The following DESI1 variants were observed in gnomAD, a reference collection of about 807,000 sequenced individuals.
DESI1 encodes the protein desumoylating isopeptidase 1.
A neutral mutation model predicts 22.4 loss-of-function variants in DESI1; 17 were observed. The observed-to-expected ratio is 0.76, with a 90% CI of 0.52 to 1.14. The LOEUF (loss-of-function observed/expected upper bound fraction) is 1.14, where lower values mean the gene tolerates loss of function less well. Among genes scored for constraint, DESI1 ranks in the 50% most tolerant of loss-of-function variants. The pLI is 0.00. For missense variants in DESI1, 177 were observed against 208.9 expected (o/e 0.85, Z 0.94); for synonymous variants, 92 against 84.2 (o/e 1.09, Z -0.51).
chr22:41,605,328 G>T (rs550021094), intron 3 of DESI1, among the ~76,000 whole-genome samples: 1 of 152,278 alleles, frequency 6.6e-6, no homozygotes, highest in South Asian at 2.1e-4. Context: ...CAGCCATGTG[G>T]TTAACAGACT....
intron 1 of DESI1, among the ~76,000 whole-genome samples, chr22:41,619,761 C>T (rs5751129): frequency 0.69 from 105,190 of 152,068 alleles, 38,017 homozygotes; most frequent in East Asian, 0.92. Flanking sequence ...CTTACTTGAT[C>T]TCTGCCCCCT....
intron 1 of DESI1, among the ~76,000 whole-genome samples, chr22:41,610,643 G>A (rs1213360571): frequency 1.3e-5 from 2 of 151,882 alleles, no homozygotes; most frequent in South Asian, 2.1e-4. Context: ...TGGGCCGGGC[G>A]TGGTGGATCA....
chr22:41,616,209 C>G (rs1473361863), intron 1 of DESI1, among the ~76,000 whole-genome samples: 1 of 152,224 alleles, frequency 6.6e-6, no homozygotes, highest in Non-Finnish European at 1.5e-5. Flanking sequence ...TGTCATTACA[C>G]TCCAGCCTGG....
At chr22:41,602,654 TG>T in intron 5 of DESI1, 1 of 986,988 alleles carries the variant, frequency 1.0e-6, no homozygotes, top group Non-Finnish European at 1.2e-6. Context: ...GAGATGGCTT[TG>T]GGGGTGTTGT....
intron 1 of DESI1, among the ~76,000 whole-genome samples, chr22:41,612,423 C>G (rs1047226132): frequency 6.6e-6 from 1 of 151,190 alleles, no homozygotes; most frequent in South Asian, 2.1e-4. Context: ...ACAGAAGAAT[C>G]ACTTGAACCC....
intron 3 of DESI1, among the ~76,000 whole-genome samples, chr22:41,605,824 A>G (rs2067475919): frequency 6.6e-6 from 1 of 152,212 alleles, no homozygotes; most frequent in African/African-American, 2.4e-5. Context: ...TGCCAACAGT[A>G]CGTATGACAG....
chr22:41,619,856 G>C, intron 1 of DESI1, among the ~76,000 whole-genome samples: 1 of 152,130 alleles, frequency 6.6e-6, no homozygotes, highest in Non-Finnish European at 1.5e-5. Flanking sequence ...TGCTGTCAAA[G>C]CTTCAATTTT....
At chr22:41,604,233 C>G in intron 3 of DESI1, 80 bp from the exon 4 acceptor site, 3 of 720,490 alleles carry the variant, frequency 4.2e-6, no homozygotes, top group Non-Finnish European at 6.8e-6. Flanking sequence ...CAGTAGACCA[C>G]AAACACTCTG....
At chr22:41,608,830 G>C (rs1237505780) in intron 1 of DESI1, among the ~76,000 whole-genome samples, 1 of 152,184 alleles carries the variant, frequency 6.6e-6, no homozygotes, top group East Asian at 1.9e-4. Context: ...GCAGAGGAAG[G>C]GCATTGAAAG....
Position 41,607,850 on chromosome 22 carries a change from C to G in DESI1, c.100G>C (p.Glu34Gln). The change falls in exon 2 of 6, where the codon GAA (glutamate) becomes CAA (glutamine). Residue 34 changes from glutamate to glutamine, a missense_variant. By Grantham distance (29) the Glu-to-Gln change is conservative. Transcript: ENST00000263256. ...LSPIMLGKQL[E>Q]GIWHTSIVVH... The stretch of plus-strand genomic sequence containing the variant: ...ACCCACCCAACTTACCAGATGCCTT[C>G]CAGTTGTTTCCCTGTGGAGAGAAGA... 6.2e-7 allele frequency: 1 copy of G among 1,614,194 alleles called. No individual in the cohort carries two copies. The highest frequency in any genetic ancestry group is 8.5e-7 in the Non-Finnish European group (1 of 1,180,026).
intron 5 of DESI1, 143 bp from the exon 6 acceptor site, chr22:41,601,333 G>A (rs946258218): frequency 2.3e-5 from 16 of 703,050 alleles, no homozygotes; most frequent in African/African-American, 1.3e-4. Context: ...AGAGCACCTC[G>A]TCACCTCACT....
intron 3 of DESI1, 96 bp from the exon 4 acceptor site, chr22:41,604,249 ACT>A: frequency 1.3e-4 from 63 of 496,492 alleles, no homozygotes; most frequent in Non-Finnish European, 1.6e-4. Context: ...CTCTGTTCTG[ACT>A]TTTTTTTTTT....
Position 41,600,284 on chromosome 22 carries a change from A to C in DESI1, c.*813T>G, listed in dbSNP as rs2067442603. ...ACTGGCCTGGATGGTGGTTACAGAG[A>C]CTGCAAATAACCTACATCATTACTT... On this transcript the variant is annotated 3_prime_UTR_variant, in exon 6 of 6. Transcript: ENST00000263256. 1 of 152,246 alleles carries C rather than the reference A, an allele frequency of 6.6e-6. No individual in the cohort carries two copies. The highest frequency in any genetic ancestry group is 1.5e-5 in the Non-Finnish European group (1 of 68,052). The allele number at this position is 152,246 out of a possible 1,614,324, so 9.4% of individuals were successfully genotyped here. A position where few individuals can be genotyped will look rare whatever the true frequency, so the allele number is the denominator to read the frequency against.
rs1025094548 is a variant in DESI1, at chr22:41,607,716, G to A, written c.110+124C>T. On this transcript the variant is annotated intron_variant, in intron 2 of 5. Coordinates refer to ENST00000263256, the MANE Select transcript of DESI1 (RefSeq NM_015704.3). ...GAACTGATGAGAAGCACTGCTTTAGGGCTTGAAGATTTATAGCATGGAGAG... is the reference window on the plus strand; with the variant it reads ...GAACTGATGAGAAGCACTGCTTTAGAGCTTGAAGATTTATAGCATGGAGAG... 10 of 1,144,798 alleles carry A rather than the reference G, an allele frequency of 8.7e-6. No homozygotes were observed. The African/African-American group carries it at 1.4e-4, about 16-fold the overall frequency. 70.9% of individuals were successfully genotyped at this position (1,144,798 alleles called of 1,614,324 possible). A position where few individuals can be genotyped will look rare whatever the true frequency, so the allele number is the denominator to read the frequency against.
At chr22:41,610,293 C>T (rs184785661) in intron 1 of DESI1, among the ~76,000 whole-genome samples, 154 of 150,760 alleles carry the variant, frequency 1.0e-3, no homozygotes, top group African/African-American at 3.4e-3. Context: ...GCAGGAAAAT[C>T]GTTTGAACCT....
At position 41,620,953 on chromosome 22, in the gene DESI1, GC is replaced by G; in HGVS notation, c.-115del. 8.4e-7 allele frequency: 1 copy of G among 1,189,744 alleles called. No homozygotes were observed. Among genetic ancestry groups the G allele is most frequent in the East Asian group, 2.7e-5 (1 of 37,516 alleles). 73.7% of individuals were successfully genotyped at this position (1,189,744 alleles called of 1,614,324 possible). A position where few individuals can be genotyped will look rare whatever the true frequency, so the allele number is the denominator to read the frequency against. ...AGGGAGAGGGGGGGACCGAGCCCGG[GC>G]CCGGGCTGAGGGGTGGGGGAGAGGC... On this transcript the variant is annotated 5_prime_UTR_variant, in exon 1 of 6. Transcript: ENST00000263256.
chr22:41,603,174 A>T, intron 5 of DESI1, 85 bp downstream of exon 5: 1 of 1,598,546 alleles, frequency 6.3e-7, no homozygotes, highest in Non-Finnish European at 8.5e-7. Flanking sequence ...GGGAGGGCAG[A>T]TGGGGGCCAG....
chr22:41,606,884 G>C (rs560692285), intron 3 of DESI1, among the ~76,000 whole-genome samples: 2 of 151,416 alleles, frequency 1.3e-5, no homozygotes, highest in South Asian at 4.2e-4. Context: ...GTTTAAGTTT[G>C]GGCAAGTCTT....
intron 1 of DESI1, among the ~76,000 whole-genome samples, chr22:41,612,970 G>T (rs1289814548): frequency 6.6e-6 from 1 of 152,168 alleles, no homozygotes; most frequent in Non-Finnish European, 1.5e-5. Context: ...GTTAGAATGG[G>T]TGAGGAGGGG....
Sources: gnomAD v4.1 joint callset for allele counts (sites outside exome capture counted in the v4.1 genomes callset) on GRCh38, gnomAD v4.1.1 for gene constraint, MANE v1.5 for transcripts, NCBI Gene and HGNC (gene_info 2026-07-23, HGNC 2026-07-21) for gene names.